Variants in RAB3IP observed in about 807,000 individuals in gnomAD.
RAB3IP encodes rab-3A-interacting protein.
Under a neutral mutation model 59.1 loss-of-function variants are expected in RAB3IP, and 36 were observed. That is an observed-to-expected ratio of 0.61 (90% confidence interval 0.47 to 0.80). The LOEUF (loss-of-function observed/expected upper bound fraction) is 0.80. Ranked by LOEUF, RAB3IP falls within the 30% of genes least tolerant of loss-of-function variation. RAB3IP has a pLI of 0.00. For missense variants in RAB3IP, 511 were observed against 536.0 expected, an observed-to-expected ratio of 0.95 and a Z score of 0.46; for synonymous variants, 207 against 191.2, an observed-to-expected ratio of 1.08 and a Z score of -0.68.
At chr12:69,796,984 G>A (rs533913698) in intron 6 of RAB3IP, among the ~76,000 whole-genome samples, 19 of 152,248 alleles carry the variant, frequency 1.2e-4, no homozygotes, top group South Asian at 2.1e-4. Context: ...CTTCAGGTAC[G>A]TGTTATAGTC....
In RAB3IP at chr12:69,822,655, A is replaced by G. The variant is rs539960585; in HGVS notation, c.*7209A>G. 6.6e-6 allele frequency: 1 copy of G among 152,306 alleles called. No individual in the cohort carries two copies. The highest frequency in any genetic ancestry group is 1.9e-4 in the East Asian group (1 of 5,188). The allele number at this position is 152,306 out of a possible 1,614,324, so 9.4% of individuals were successfully genotyped here. A position where few individuals can be genotyped will look rare whatever the true frequency, so the allele number is the denominator to read the frequency against. ...CAGTTAATAATTTATTGTATATTTC[A>G]CAATAAAGGAGTGGATTTGGAATGT... On this transcript the variant is annotated 3_prime_UTR_variant, in exon 11 of 11. Coordinates refer to ENST00000247833, the MANE Select transcript of RAB3IP (RefSeq NM_022456.5).
intron 3 of RAB3IP, among the ~76,000 whole-genome samples, chr12:69,758,818 G>A (rs1870686956): frequency 9.0e-6 from 1 of 111,022 alleles, no homozygotes. Flanking sequence ...ATAGTTTAAC[G>A]GGGCATACAA....
chr12:69,747,325 TGTGTGTGAGAGA>T (rs767054281), intron 1 of RAB3IP, among the ~76,000 whole-genome samples: 4 of 147,850 alleles, frequency 2.7e-5, no homozygotes, highest in Admixed American at 6.8e-5. Flanking sequence ...TGTGTGTGTG[TGTGTGTGAGAGA>T]GAGAGAGAGA....
rs992721125 is a variant in RAB3IP at position 69,764,411 on chromosome 12, A to T, written c.510+7748A>T. On this transcript the variant is annotated intron_variant, in intron 3 of 10. Coordinates refer to ENST00000247833, the MANE Select transcript of RAB3IP (RefSeq NM_022456.5). The stretch of plus-strand genomic sequence containing the variant: ...TTGTTGAATAAGGAGTCATTTCCTC[A>T]TTGCTTATTTTTGTTGATTTTTGTC... 2.0e-5 allele frequency among the ~76,000 whole-genome samples: 3 copies of T among 152,036 alleles called. No homozygotes were observed. The East Asian group carries it at 5.8e-4, about 29-fold the overall frequency.
chr12:69,746,098 A>C (rs565265859), intron 1 of RAB3IP, among the ~76,000 whole-genome samples: 6 of 152,298 alleles, frequency 3.9e-5, no homozygotes, highest in African/African-American at 1.4e-4. Context: ...CCATCCCCTC[A>C]TTCCCAGTGC....
intron 1 of RAB3IP, among the ~76,000 whole-genome samples, chr12:69,741,308 A>G (rs1377179650): frequency 3.3e-5 from 5 of 152,204 alleles, no homozygotes; most frequent in Non-Finnish European, 5.9e-5. Context: ...TAATTTGTCT[A>G]TGGTTACTTA....
At chr12:69,769,076 A>G (rs759353746) in intron 3 of RAB3IP, among the ~76,000 whole-genome samples, 3 of 151,838 alleles carry the variant, frequency 2.0e-5, no homozygotes, top group Admixed American at 6.6e-5. Flanking sequence ...TCCCTGCTCA[A>G]TCTCTCTTCT....
chr12:69,748,774 G>A (rs1868753106), intron 1 of RAB3IP, among the ~76,000 whole-genome samples: 1 of 152,118 alleles, frequency 6.6e-6, no homozygotes, highest in South Asian at 2.1e-4. Flanking sequence ...AGATACTACT[G>A]CTTAAAAATA....
chr12:69,788,104 A>G (rs900542080), intron 4 of RAB3IP, among the ~76,000 whole-genome samples: 5 of 152,154 alleles, frequency 3.3e-5, no homozygotes, highest in African/African-American at 1.2e-4. Context: ...TTTATTATCC[A>G]GATGAAGGTC....
At chr12:69,798,029 G>A (rs1345851683) in intron 6 of RAB3IP, among the ~76,000 whole-genome samples, 2 of 152,116 alleles carry the variant, frequency 1.3e-5, no homozygotes, top group South Asian at 2.1e-4. Flanking sequence ...AGTCCTTTGG[G>A]TATATACCCA....
In RAB3IP at chr12:69,784,758, A is replaced by G; in HGVS notation, c.549A>G (p.Ser183=). 1 of 1,609,594 alleles carries G rather than the reference A, an allele frequency of 6.2e-7. No homozygotes were observed. Among genetic ancestry groups the G allele is most frequent in the Non-Finnish European group, 8.5e-7 (1 of 1,177,464 alleles). The change falls in exon 4 of 11, where the codon TCA becomes TCG. Residue 183 remains serine (S), a synonymous_variant. Transcript: ENST00000247833. ...KLKDEECERL[S]KVRDQLGQEL... ...AAGATGAAGAATGTGAGAGGCTTTC[A>G]AAAGTGCGAGATCAACTTGGACAGG...
rs536294146 is a variant in RAB3IP at position 69,760,367 on chromosome 12, G to A, written c.510+3704G>A. Among the ~76,000 whole-genome samples, 11 of 152,326 alleles carry A rather than the reference G, an allele frequency of 7.2e-5. No individual in the cohort carries two copies. The East Asian group carries it at 1.4e-3, about 19-fold the overall frequency. On this transcript the variant is annotated intron_variant, in intron 3 of 10. Coordinates refer to ENST00000247833, the MANE Select transcript of RAB3IP (RefSeq NM_022456.5). ...TTTGGCTCGGCATCAGAGGGAGACC[G>A]TGGAAAGAGAGGGCGAGGGAGACCG...
In RAB3IP at chr12:69,786,382, T is replaced by C. The variant is rs576337435; in HGVS notation, c.606+1567T>C. Reference sequence around the variant, plus strand: ...GTCTTTTTGGGGTCATTTTCTTTCATGAACATTTTAAAATTAATCTGTTTA... The same window carrying C: ...GTCTTTTTGGGGTCATTTTCTTTCACGAACATTTTAAAATTAATCTGTTTA... On this transcript the variant is annotated intron_variant, in intron 4 of 10. Transcript: ENST00000247833. Among the ~76,000 whole-genome samples the C allele has an allele frequency of 6.6e-5, 10 of 152,304 alleles. No individual in the cohort carries two copies. In the East Asian group the frequency reaches 1.5e-3, roughly 24 times the overall value.
At chr12:69,813,294 C>A (rs1565935713) in intron 10 of RAB3IP, among the ~76,000 whole-genome samples, 1 of 152,076 alleles carries the variant, frequency 6.6e-6, no homozygotes, top group African/African-American at 2.4e-5. Context: ...TCAGTTTTAA[C>A]TCATAAGGGG....
In RAB3IP at chr12:69,807,235, C is replaced by T. The variant is rs535917138; in HGVS notation, c.1130+5514C>T. Among the ~76,000 whole-genome samples, 200 of 147,924 alleles carry T rather than the reference C, an allele frequency of 1.4e-3. 2 individuals are homozygous for T. Among genetic ancestry groups the T allele is most frequent in the Middle Eastern group, 3.7e-3 (1 of 270 alleles). On this transcript the variant is annotated intron_variant, in intron 8 of 10. Transcript: ENST00000247833. ...GCAGAGGCTCTCCTCACCTCTCAGA[C>T]GGGGCAGCCGTGCAGAGGCGCTCCT...
At chr12:69,809,204 C>T (rs1011475168) in intron 8 of RAB3IP, among the ~76,000 whole-genome samples, 3 of 151,474 alleles carry the variant, frequency 2.0e-5, no homozygotes, top group African/African-American at 4.9e-5. Flanking sequence ...AAATTATTTT[C>T]TTTAAGAATG....
chr12:69,779,462 C>G (rs1325518562), intron 3 of RAB3IP, among the ~76,000 whole-genome samples: 1 of 152,018 alleles, frequency 6.6e-6, no homozygotes, highest in Non-Finnish European at 1.5e-5. Flanking sequence ...TCTTTATTCC[C>G]TCTTGAACTC....
At position 69,801,726 on chromosome 12, in the gene RAB3IP, GT is replaced by G. The variant is rs1300839955; in HGVS notation, c.1130+10del. 35 of 1,554,886 alleles carry G rather than the reference GT, an allele frequency of 2.3e-5. No homozygotes were observed. Among genetic ancestry groups the G allele is most frequent in the Non-Finnish European group, 3.0e-5 (34 of 1,127,220 alleles). On this transcript the variant is annotated splice_donor_region_variant and intron_variant, in intron 8 of 10. Coordinates refer to ENST00000247833, the MANE Select transcript of RAB3IP (RefSeq NM_022456.5). ...AGTTGAATGCGGAGGACCAAAGTAGGTTTTTACGTGCATGAACTGTGAAAGT... is the reference window on the plus strand; with the variant it reads ...AGTTGAATGCGGAGGACCAAAGTAGGTTTTACGTGCATGAACTGTGAAAGT...
chr12:69,755,723 AT>A (rs1476156915), intron 2 of RAB3IP, 64 bp downstream of exon 2: 25 of 1,369,228 alleles, frequency 1.8e-5, no homozygotes, highest in Non-Finnish European at 2.4e-5. Context: ...TAGTTACTAT[AT>A]TTTAAGTTTT....
Sources: gnomAD v4.1 joint callset for allele counts (sites outside exome capture counted in the v4.1 genomes callset) on GRCh38, gnomAD v4.1.1 for gene constraint, MANE v1.5 for transcripts, NCBI Gene and HGNC (gene_info 2026-07-23, HGNC 2026-07-21) for gene names.